The following INO80 variants were observed in gnomAD, a reference collection of about 807,000 sequenced individuals.
INO80 encodes the protein INO80 complex ATPase subunit, also known as chromatin-remodeling ATPase INO80.
INO80 carries 20 observed loss-of-function variants against 203.4 expected under a neutral mutation model. The observed-to-expected ratio is 0.10, with a 90% CI of 0.07 to 0.14. The LOEUF (loss-of-function observed/expected upper bound fraction) is 0.14. Among genes scored for constraint, INO80 ranks in the 10% least tolerant of loss-of-function variants. INO80 has a pLI of 1.00. For synonymous variants in INO80, 726 were observed against 685.2 expected, an observed-to-expected ratio of 1.06 and a Z score of -0.93; for missense variants, 1,419 against 1,914.4, an observed-to-expected ratio of 0.74 and a Z score of 4.83.
At chr15:41,074,333 G>C (rs774249899) in intron 10 of INO80, 37 bp downstream of exon 10, 1 of 1,468,384 alleles carries the variant, frequency 6.8e-7, no homozygotes, top group Non-Finnish European at 9.2e-7. Flanking sequence ...TAAAAAATAA[G>C]AGGTAGCCTT....
intron 9 of INO80, among the ~76,000 whole-genome samples, chr15:41,078,750 A>C (rs1440658143): frequency 6.6e-6 from 1 of 151,798 alleles, no homozygotes; most frequent in Non-Finnish European, 1.5e-5. Flanking sequence ...CAATACAATG[A>C]TTTGCCTTCT....
chr15:41,087,655 C>T lies in INO80; in HGVS notation c.565G>A (p.Gly189Ser). Residue 189 changes from glycine (G) to serine (S), a missense_variant, in exon 6 of 36, where the codon GGC (glycine) becomes AGC (serine). Physicochemically the swap from Gly to Ser is moderately conservative, Grantham distance 56. Around this residue, in one of 9 missense-constraint regions of INO80, gnomAD observed 323 missense variants for 325.4 expected, o/e 0.99. Coordinates refer to ENST00000648947, the MANE Select transcript of INO80 (RefSeq NM_017553.3). ...AAAGGGTCATATGTGGAGAGCAGGCCTGCACTGTAGTACTGATATTGCTGC... is the reference window on the plus strand; with the variant it reads ...AAAGGGTCATATGTGGAGAGCAGGCTTGCACTGTAGTACTGATATTGCTGC... ...ELQQYQYYSAGLLSTYDPFYE... is the reference protein window; with the variant it reads ...ELQQYQYYSASLLSTYDPFYE... The T allele has an allele frequency of 1.9e-6, 3 of 1,613,824 alleles. No homozygotes were observed. Among genetic ancestry groups the T allele is most frequent in the Non-Finnish European group, 2.5e-6 (3 of 1,179,936 alleles).
chr15:41,052,779 C>T (rs1451347485), intron 19 of INO80, among the ~76,000 whole-genome samples: 2 of 148,246 alleles, frequency 1.3e-5, no homozygotes, highest in South Asian at 2.1e-4. Context: ...AATCCTAGCA[C>T]TTTCAGAGGC....
At chr15:41,114,483 C>T (rs1016343283) in intron 1 of INO80, among the ~76,000 whole-genome samples, 1 of 151,862 alleles carries the variant, frequency 6.6e-6, no homozygotes, top group Non-Finnish European at 1.5e-5. Context: ...CCAAGGCAGG[C>T]GGATCACTTG....
At chr15:41,077,935 C>T (rs1306443363) in intron 9 of INO80, among the ~76,000 whole-genome samples, 2 of 149,754 alleles carry the variant, frequency 1.3e-5, no homozygotes, top group Non-Finnish European at 3.0e-5. Flanking sequence ...GATTCTTCCT[C>T]TGTCACCCAG....
At position 41,044,998 on chromosome 15, in the gene INO80, T is replaced by C. The variant is rs115089447; in HGVS notation, c.2813A>G (p.Glu938Gly). The change falls in exon 24 of 36, where the codon GAG (glutamate) becomes GGG (glycine). Residue 938 changes from glutamate (E) to glycine (G), a missense_variant. Physicochemically the swap from Glu to Gly is moderately conservative, Grantham distance 98. Coordinates refer to ENST00000648947, the MANE Select transcript of INO80 (RefSeq NM_017553.3). ...QLRSWGAPEGESHQRYLRNKD... is the reference protein window; with the variant it reads ...QLRSWGAPEGGSHQRYLRNKD... ...GTTCCTCAGGTATCTCTGGTGGCTC[T>C]CCCCTTCTGGCGCTCCCCAGGAGCG... 2,856 of 1,613,938 alleles carry C rather than the reference T, an allele frequency of 1.8e-3. 46 individuals are homozygous for C. The African/African-American group carries it at 0.035, about 20-fold the overall frequency.
At chr15:41,097,120 C>T (rs576387655) in intron 1 of INO80, among the ~76,000 whole-genome samples, 10 of 152,352 alleles carry the variant, frequency 6.6e-5, no homozygotes, top group African/African-American at 1.4e-4. Context: ...GACGGAGTCT[C>T]GCTCTGTCAC....
intron 1 of INO80, among the ~76,000 whole-genome samples, chr15:41,102,123 G>T (rs981784603): frequency 2.0e-5 from 3 of 151,858 alleles, no homozygotes; most frequent in Non-Finnish European, 4.4e-5. Context: ...CCTGGGAGGT[G>T]GAGGTTGCAG....
At chr15:41,044,824 A>T in intron 24 of INO80, 80 bp downstream of exon 24, 1 of 1,414,378 alleles carries the variant, frequency 7.1e-7, no homozygotes, top group Non-Finnish European at 9.5e-7. Flanking sequence ...GCCTTCATTT[A>T]CTTTACTATT....
At chr15:40,999,020 A>ACACACACACACAC (rs57822538) in intron 28 of INO80, among the ~76,000 whole-genome samples, 5 of 151,614 alleles carry the variant, frequency 3.3e-5, no homozygotes, top group South Asian at 2.1e-4. Flanking sequence ...ACACACACAC[A>ACACACACACACAC]AATAAGGGCT....
intron 24 of INO80, among the ~76,000 whole-genome samples, chr15:41,042,325 A>C (rs1217097687): frequency 6.6e-6 from 1 of 150,888 alleles, no homozygotes; most frequent in African/African-American, 2.4e-5. Flanking sequence ...AATTTTTAAA[A>C]TTTTTTAGTA....
intron 27 of INO80, among the ~76,000 whole-genome samples, chr15:41,009,272 T>C (rs2044097967): frequency 6.6e-6 from 1 of 151,674 alleles, no homozygotes; most frequent in Admixed American, 6.6e-5. Flanking sequence ...AGGGTACATG[T>C]GCACAATGTG....
rs1170049674 is a variant in INO80 at position 41,085,971 on chromosome 15, C to T, written c.659-388G>A. Among the ~76,000 whole-genome samples the T allele has an allele frequency of 4.6e-5, 7 of 152,170 alleles. No homozygotes were observed. In the East Asian group the frequency reaches 9.7e-4, roughly 21 times the overall value. On this transcript the variant is annotated intron_variant, in intron 6 of 35. Coordinates refer to ENST00000648947, the MANE Select transcript of INO80 (RefSeq NM_017553.3). ...ACCTCCCAGGTTCAAGCGATTCTCCCGCTTCAGCCTCCCGAGTAGCTGGGA... is the reference window on the plus strand; with the variant it reads ...ACCTCCCAGGTTCAAGCGATTCTCCTGCTTCAGCCTCCCGAGTAGCTGGGA...
In INO80 at chr15:41,007,765, C is replaced by CA. The variant is rs34661844; in HGVS notation, c.3403-2079dup. Among the ~76,000 whole-genome samples, 961 of 134,750 alleles carry CA rather than the reference C, an allele frequency of 7.1e-3. 15 individuals are homozygous for CA. The highest frequency in any genetic ancestry group is 0.026 in the South Asian group (109 of 4,190). 88.4% of individuals were successfully genotyped at this position (134,750 alleles called of 152,430 possible). On this transcript the variant is annotated intron_variant, in intron 27 of 35. Coordinates refer to ENST00000648947, the MANE Select transcript of INO80 (RefSeq NM_017553.3). Reference sequence around the variant, plus strand: ...TAGAGTCTATTTCAGTAAATAGCTTCAAAAAAAAAAAAAACAAGAAAATGG... The same window carrying CA: ...TAGAGTCTATTTCAGTAAATAGCTTCAAAAAAAAAAAAAAACAAGAAAATGG...
chr15:41,026,990 A>G (rs796347413), intron 25 of INO80, among the ~76,000 whole-genome samples: 41 of 152,388 alleles, frequency 2.7e-4, no homozygotes, highest in African/African-American at 9.9e-4. Context: ...ATAGAAACTA[A>G]GCCCAATCTG....
Position 40,983,858 on chromosome 15 carries a change from G to C in INO80, c.4141C>G (p.Leu1381Val). ...GAGGCTGGGTCATCCACAATGACCAGCATGTCACTGCTGCTCTCGTCCAGG... is the reference window on the plus strand; with the variant it reads ...GAGGCTGGGTCATCCACAATGACCACCATGTCACTGCTGCTCTCGTCCAGG... ...IPLDESSSDM[L>V]VIVDDPASSA... Residue 1381 changes from leucine (L) to valine (V), a missense_variant, in exon 34 of 36, where the codon CTG becomes GTG. By Grantham distance (32) the Leu-to-Val change is conservative. Around this residue, in one of 9 missense-constraint regions of INO80, gnomAD observed 214 missense variants for 248.9 expected, o/e 0.86. Coordinates refer to ENST00000648947, the MANE Select transcript of INO80 (RefSeq NM_017553.3). 1 of 1,613,266 alleles carries C rather than the reference G, an allele frequency of 6.2e-7. No individual in the cohort carries two copies. The highest frequency in any genetic ancestry group is 1.1e-5 in the South Asian group (1 of 91,038).
intron 26 of INO80, chr15:41,019,371 G>A (rs1224076439): frequency 6.6e-6 from 1 of 152,240 alleles, no homozygotes; most frequent in East Asian, 1.9e-4. Context: ...GGTTCTCACA[G>A]TAAACAGCCA....
intron 1 of INO80, among the ~76,000 whole-genome samples, chr15:41,098,775 G>C (rs2045762011): frequency 6.6e-6 from 1 of 152,118 alleles, no homozygotes; most frequent in Non-Finnish European, 1.5e-5. Context: ...TTGTTTGTCA[G>C]TGTGTACACA....
chr15:41,048,280 CA>C lies in INO80; in HGVS notation c.2577-5del, dbSNP rs780994661. The C allele has an allele frequency of 1.2e-6, 2 of 1,608,038 alleles. No individual in the cohort carries two copies. Among genetic ancestry groups the C allele is most frequent in the Non-Finnish European group, 1.7e-6 (2 of 1,174,924 alleles). On this transcript the variant is annotated splice_polypyrimidine_tract_variant and splice_region_variant and intron_variant, in intron 21 of 35. Transcript: ENST00000648947. Reference sequence around the variant, plus strand: ...TGGAGAAAGAACCCTTAACCACCTGCAAAGTAAGTAAATAAAATAAAGCCAA... The same window carrying C: ...TGGAGAAAGAACCCTTAACCACCTGCAAGTAAGTAAATAAAATAAAGCCAA...
Sources: gnomAD v4.1 joint callset for allele counts (sites outside exome capture counted in the v4.1 genomes callset) on GRCh38, gnomAD v4.1.1 for gene constraint, gnomAD v4.1.1 regional missense constraint, MANE v1.5 for transcripts, NCBI Gene and HGNC (gene_info 2026-07-23, HGNC 2026-07-21) for gene names.